CNOT10: variants seen among roughly 807,000 people sequenced by gnomAD.
CNOT10 encodes CCR4-NOT transcription complex subunit 10.
In CNOT10, 30 loss-of-function variants were observed where a neutral mutation model predicts 94.6. That is an observed-to-expected ratio of 0.32 (90% CI 0.24 to 0.43). CNOT10 has a LOEUF of 0.43. CNOT10 is among the 20% of genes least tolerant of loss of function. The pLI is 1.00. For synonymous variants in CNOT10, 289 were observed against 301.6 expected (o/e 0.96, Z 0.43); for missense variants, 759 against 877.2 (o/e 0.87, Z 1.70).
At chr3:32,768,051 C>T (rs1279682362) in intron 17 of CNOT10, among the ~76,000 whole-genome samples, 22 of 151,968 alleles carry the variant, frequency 1.4e-4, no homozygotes. Context: ...GCCCACCCTG[C>T]CTGGGAGGGA....
At chr3:32,713,123 A>T (rs1218728918) in intron 4 of CNOT10, 104 bp from the exon 5 acceptor site, 2 of 893,698 alleles carry the variant, frequency 2.2e-6, no homozygotes, top group Admixed American at 2.9e-5. Context: ...GTAAAGACTT[A>T]TGCTTTGCTA....
chr3:32,723,406 GAA>G (rs1698512537), intron 8 of CNOT10, among the ~76,000 whole-genome samples: 1 of 149,370 alleles, frequency 6.7e-6, no homozygotes, highest in African/African-American at 2.5e-5. Flanking sequence ...AAAAAAAAAA[GAA>G]AAGAGAATAT....
intron 1 of CNOT10, among the ~76,000 whole-genome samples, chr3:32,703,328 T>G (rs1205475645): frequency 6.6e-6 from 1 of 152,056 alleles, no homozygotes; most frequent in Non-Finnish European, 1.5e-5. Context: ...GTCCCCCACC[T>G]TTTCCTCAGA....
chr3:32,703,068 C>T (rs958977744), intron 1 of CNOT10, among the ~76,000 whole-genome samples: 17 of 143,620 alleles, frequency 1.2e-4, no homozygotes, highest in South Asian at 2.3e-4. Flanking sequence ...CCCGCCACCA[C>T]GCCAAGCTAA....
At chr3:32,723,992 A>AT (rs1343076129) in intron 8 of CNOT10, among the ~76,000 whole-genome samples, 1 of 152,058 alleles carries the variant, frequency 6.6e-6, no homozygotes, top group Non-Finnish European at 1.5e-5. Flanking sequence ...AGGCATGAGG[A>AT]TTGCTTGAGC....
chr3:32,714,979 G>A (rs750943035), intron 5 of CNOT10, among the ~76,000 whole-genome samples: 3 of 152,118 alleles, frequency 2.0e-5, no homozygotes, highest in Non-Finnish European at 4.4e-5. Context: ...CAATTTAAGT[G>A]TGTATTCATA....
chr3:32,700,962 G>T (rs536097045), intron 1 of CNOT10, among the ~76,000 whole-genome samples: 2 of 152,260 alleles, frequency 1.3e-5, no homozygotes, highest in East Asian at 3.9e-4. Flanking sequence ...AATTTTTGCA[G>T]AAAAGAAAAC....
rs1698122166 is a variant in CNOT10, at chr3:32,716,389, T to A, written c.660+78T>A. On this transcript the variant is annotated intron_variant, in intron 6 of 18. Transcript: ENST00000328834. ...ATGACAAATGAAGCAATGAGATAGA[T>A]CATTGGAAGCAGTCAATAATTCAAG... is the stretch of plus-strand genomic sequence containing the variant. The A allele has an allele frequency of 5.9e-6, 4 of 681,376 alleles. No individual in the cohort carries two copies. The Admixed American group carries it at 1.1e-4, about 19-fold the overall frequency. 42.2% of individuals were successfully genotyped at this position (681,376 alleles called of 1,614,324 possible).
intron 13 of CNOT10, among the ~76,000 whole-genome samples, chr3:32,743,908 T>C (rs1324941723): frequency 1.3e-5 from 2 of 152,130 alleles, no homozygotes; most frequent in African/African-American, 4.8e-5. Flanking sequence ...AATGCCGTCA[T>C]CATAAAGTGA....
chr3:32,744,415 A>G lies in CNOT10; in HGVS notation c.1595+6925A>G, dbSNP rs193177162. On this transcript the variant is annotated intron_variant, in intron 13 of 18. Coordinates refer to ENST00000328834, the MANE Select transcript of CNOT10 (RefSeq NM_015442.3). ...GCAGTAAATTATCATGACTTTTCCAATGGCCACTTTTTATGATACGGGTTT... is the reference window on the plus strand; with the variant it reads ...GCAGTAAATTATCATGACTTTTCCAGTGGCCACTTTTTATGATACGGGTTT... 9.2e-5 allele frequency among the ~76,000 whole-genome samples: 14 copies of G among 152,236 alleles called. No homozygotes were observed. The East Asian group carries it at 1.2e-3, about 13-fold the overall frequency.
chr3:32,728,338 TG>T (rs909795675), intron 10 of CNOT10, among the ~76,000 whole-genome samples: 1 of 152,068 alleles, frequency 6.6e-6, no homozygotes, highest in Non-Finnish European at 1.5e-5. Context: ...AGTCATTTGT[TG>T]GCCGTGCGCA....
At chr3:32,691,099 G>T (rs1474649539) in intron 1 of CNOT10, among the ~76,000 whole-genome samples, 1 of 143,286 alleles carries the variant, frequency 7.0e-6, no homozygotes, top group Non-Finnish European at 1.5e-5. Flanking sequence ...GAGTTCAAGC[G>T]ATTCTCTTGC....
chr3:32,768,828 C>T (rs1308834874), intron 17 of CNOT10, among the ~76,000 whole-genome samples: 2 of 152,170 alleles, frequency 1.3e-5, no homozygotes. Flanking sequence ...ACCTAGTACA[C>T]GTTTCTGGTC....
intron 13 of CNOT10, among the ~76,000 whole-genome samples, chr3:32,748,050 C>A (rs1699784284): frequency 6.6e-6 from 1 of 152,154 alleles, no homozygotes; most frequent in African/African-American, 2.4e-5. Flanking sequence ...GTTAACCAAT[C>A]TAGTCCTAAC....
chr3:32,754,489 A>AAAAAAAAAAATATAT (rs77878221), intron 13 of CNOT10, among the ~76,000 whole-genome samples: 3 of 70,222 alleles, frequency 4.3e-5, no homozygotes, highest in Non-Finnish European at 6.7e-5. Context: ...AAAAAAAAAA[A>AAAAAAAAAAATATAT]ATACATATAT....
intron 13 of CNOT10, among the ~76,000 whole-genome samples, chr3:32,757,272 C>T (rs1700265625): frequency 7.4e-6 from 1 of 134,342 alleles, no homozygotes; most frequent in Non-Finnish European, 1.5e-5. Flanking sequence ...CTCCACCTTC[C>T]AGGTTCAAGC....
intron 12 of CNOT10, among the ~76,000 whole-genome samples, chr3:32,736,114 C>T (rs1378886162): frequency 6.6e-6 from 1 of 151,898 alleles, no homozygotes; most frequent in East Asian, 1.9e-4. Flanking sequence ...GAGACAGAGT[C>T]TCCCTCTGTC....
intron 14 of CNOT10, 44 bp from the exon 15 acceptor site, chr3:32,762,689 G>C: frequency 6.4e-7 from 1 of 1,561,050 alleles, no homozygotes; most frequent in South Asian, 1.2e-5. Context: ...GGGTATTTTT[G>C]TGACGTTGTA....
At chr3:32,702,615 AT>A (rs1404391419) in intron 1 of CNOT10, among the ~76,000 whole-genome samples, 30 of 152,252 alleles carry the variant, frequency 2.0e-4, no homozygotes, top group African/African-American at 5.3e-4. Flanking sequence ...TAGTTTTCTG[AT>A]TGTTACTACT....
Sources: gnomAD v4.1 joint callset for allele counts (sites outside exome capture counted in the v4.1 genomes callset) on GRCh38, gnomAD v4.1.1 for gene constraint, MANE v1.5 for transcripts, NCBI Gene and HGNC (gene_info 2026-07-23, HGNC 2026-07-21) for gene names.